The following RAD52 variants were observed in gnomAD, a reference collection of about 807,000 sequenced individuals.
RAD52 encodes RAD52 DNA repair protein, also known as DNA repair protein RAD52 homolog.
Under a neutral mutation model 55.5 loss-of-function variants are expected in RAD52, and 47 were observed. The ratio of observed to expected loss-of-function variants is 0.85; its 90% CI spans 0.67 to 1.08. The LOEUF is 1.08. Ranked by LOEUF, RAD52 falls within the 50% of genes least tolerant of loss-of-function variation. The probability of loss-of-function intolerance (pLI) is 0.00; values close to 1 mark genes in which losing one functional copy is unlikely to be tolerated. For synonymous variants in RAD52, 184 were observed against 198.9 expected, an observed-to-expected ratio of 0.92 and a Z score of 0.63; for missense variants, 468 against 522.8, an observed-to-expected ratio of 0.90 and a Z score of 1.02.
chr12:937,717 C>T (rs1330552777), intron 1 of RAD52, among the ~76,000 whole-genome samples: 8 of 152,102 alleles, frequency 5.3e-5, no homozygotes, highest in East Asian at 1.9e-4. Flanking sequence ...TGAGCCACCG[C>T]GCCCAGCCAT....
intron 7 of RAD52, among the ~76,000 whole-genome samples, chr12:917,258 C>T (rs1195263155): frequency 6.6e-6 from 1 of 152,192 alleles, no homozygotes; most frequent in Non-Finnish European, 1.5e-5. Context: ...CTTCAAACGA[C>T]AGAGGGAAGA....
chr12:939,106 G>A (rs957140944), intron 1 of RAD52, among the ~76,000 whole-genome samples: 1 of 121,584 alleles, frequency 8.2e-6, no homozygotes, highest in Non-Finnish European at 1.8e-5. Flanking sequence ...AAAAAGGCAA[G>A]TAGATAAAGC....
chr12:989,719 A>G (rs529011133), intron 1 of RAD52: 1 of 152,352 alleles, frequency 6.6e-6, no homozygotes, highest in African/African-American at 2.4e-5. Context: ...TAAGACCACA[A>G]GTAGAATGAA....
intron 1 of RAD52, among the ~76,000 whole-genome samples, chr12:965,796 CA>C (rs1378632854): frequency 6.6e-6 from 1 of 151,858 alleles, no homozygotes; most frequent in Non-Finnish European, 1.5e-5. Flanking sequence ...AGTGATTTTT[CA>C]TGCCTCAGCC....
chr12:970,586 G>GAT (rs1958832718), intron 1 of RAD52, among the ~76,000 whole-genome samples: 1 of 152,176 alleles, frequency 6.6e-6, no homozygotes. Flanking sequence ...GTTTGGCAAA[G>GAT]ATAATTAGCT....
chr12:960,749 G>A (rs139868059), intron 1 of RAD52, among the ~76,000 whole-genome samples: 9 of 152,210 alleles, frequency 5.9e-5, no homozygotes, highest in Non-Finnish European at 8.8e-5. Flanking sequence ...TTATAGATGT[G>A]AGCCACCTTA....
chr12:966,592 T>A (rs1045454240), intron 1 of RAD52, among the ~76,000 whole-genome samples: 1 of 152,058 alleles, frequency 6.6e-6, no homozygotes, highest in Non-Finnish European at 1.5e-5. Flanking sequence ...TTTTTTTCCA[T>A]TCCTGACTTA....
At chr12:984,538 G>C (rs1279767060) in intron 1 of RAD52, among the ~76,000 whole-genome samples, 1 of 151,772 alleles carries the variant, frequency 6.6e-6, no homozygotes, top group African/African-American at 2.4e-5. Context: ...TACCTCATAT[G>C]AATGTAATCA....
intron 6 of RAD52, chr12:926,893 T>A: frequency 6.5e-7 from 1 of 1,536,358 alleles, no homozygotes; most frequent in Non-Finnish European, 8.7e-7. Context: ...CATGACTGAG[T>A]GCACGGAGAA....
chr12:943,742 T>C (rs1958041991), intron 1 of RAD52, among the ~76,000 whole-genome samples: 1 of 152,058 alleles, frequency 6.6e-6, no homozygotes, highest in Non-Finnish European at 1.5e-5. Context: ...GTGATTACAT[T>C]TTGATGTAAT....
chr12:989,303 T>C (rs955325803), intron 1 of RAD52, among the ~76,000 whole-genome samples: 1 of 152,196 alleles, frequency 6.6e-6, no homozygotes, highest in Non-Finnish European at 1.5e-5. Context: ...TTCTACATTA[T>C]GCTTTTCTCC....
At chr12:973,408 T>G in intron 1 of RAD52, among the ~76,000 whole-genome samples, 1 of 151,992 alleles carries the variant, frequency 6.6e-6, no homozygotes, top group East Asian at 1.9e-4. Flanking sequence ...GTTGGTGGAT[T>G]GGGTCAGTGT....
In RAD52 at chr12:932,995, A is replaced by G. The variant is rs910109595; in HGVS notation, c.64T>C (p.Ser22Pro). The stretch of plus-strand genomic sequence containing the variant: ...GTTACCTGTCCAAAGCATAACACTG[A>G]GCCGCCGCCAGCAGCAGGATGGCTG... Reference protein sequence around the residue: ...RDSHPAAGGGSVLCFGQCQYT... With the variant: ...RDSHPAAGGGPVLCFGQCQYT... The change falls in exon 2 of 12, where the codon TCA becomes CCA. Residue 22 changes from serine to proline, a missense_variant. Coordinates refer to ENST00000358495, the MANE Select transcript of RAD52 (RefSeq NM_134424.4). 23 of 1,614,068 alleles carry G rather than the reference A, an allele frequency of 1.4e-5. No homozygotes were observed. The highest frequency in any genetic ancestry group is 1.9e-5 in the Non-Finnish European group (22 of 1,180,008).
Position 925,432 on chromosome 12 carries a change from C to A in RAD52, c.543+18G>T. ...TTTGCCGCATTATCTTCACTCCACT[C>A]ATCCATGTCTGATATACCTGGCGTG... On this transcript the variant is annotated intron_variant, in intron 7 of 11. Coordinates refer to ENST00000358495, the MANE Select transcript of RAD52 (RefSeq NM_134424.4). 2 of 1,601,642 alleles carry A rather than the reference C, an allele frequency of 1.2e-6. No individual in the cohort carries two copies. The highest frequency in any genetic ancestry group is 2.2e-5 in the South Asian group (2 of 90,842).
At chr12:984,746 G>A (rs1038685732) in intron 1 of RAD52, among the ~76,000 whole-genome samples, 4 of 150,914 alleles carry the variant, frequency 2.7e-5, no homozygotes, top group African/African-American at 9.7e-5. Flanking sequence ...CTCACTGCAA[G>A]CTCCGCCTCC....
chr12:918,058 C>T (rs1172807499), intron 7 of RAD52, among the ~76,000 whole-genome samples: 1 of 152,150 alleles, frequency 6.6e-6, no homozygotes, highest in African/African-American at 2.4e-5. Flanking sequence ...TACAACCATA[C>T]AGGAAAACGG....
intron 1 of RAD52, among the ~76,000 whole-genome samples, chr12:971,821 C>G (rs187676489): frequency 6.6e-6 from 1 of 151,446 alleles, no homozygotes; most frequent in Non-Finnish European, 1.5e-5. Context: ...GATCTCGGCT[C>G]ACTGCAGGCT....
intron 1 of RAD52, among the ~76,000 whole-genome samples, chr12:983,489 T>C (rs545288822): frequency 2.0e-4 from 30 of 147,106 alleles, no homozygotes; most frequent in Non-Finnish European, 3.8e-4. Flanking sequence ...TGATCTCAGC[T>C]CACTGCAACC....
chr12:946,330 A>G (rs1325129071), intron 1 of RAD52, among the ~76,000 whole-genome samples: 2 of 152,208 alleles, frequency 1.3e-5, no homozygotes, highest in Middle Eastern at 3.2e-3. Flanking sequence ...CTACTGAGAC[A>G]GTCAGTTCTC....
Sources: gnomAD v4.1 joint callset for allele counts (sites outside exome capture counted in the v4.1 genomes callset) on GRCh38, gnomAD v4.1.1 for gene constraint, MANE v1.5 for transcripts, NCBI Gene and HGNC (gene_info 2026-07-23, HGNC 2026-07-21) for gene names.